LZTS1: variants seen among roughly 807,000 people sequenced by gnomAD.
LZTS1 encodes the protein leucine zipper tumor suppressor 1, also known as leucine zipper putative tumor suppressor 1.
LZTS1 carries 31 observed loss-of-function variants against 45.8 expected under a neutral mutation model. That is an observed-to-expected ratio of 0.68 (90% CI 0.51 to 0.91). The LOEUF is 0.91. LZTS1 is among the 40% of genes least tolerant of loss of function. The pLI, the probability that LZTS1 is intolerant of heterozygous loss-of-function variation, is 0.00. For missense variants in LZTS1, 821 were observed against 788.9 expected (o/e 1.04, Z -0.49); for synonymous variants, 359 against 357.3 (o/e 1.00, Z -0.05).
At chr8:20,276,129 A>G (rs1800575663) in intron 1 of LZTS1, among the ~76,000 whole-genome samples, 1 of 152,218 alleles carries the variant, frequency 6.6e-6, no homozygotes, top group Non-Finnish European at 1.5e-5. Context: ...ATCCTGGGAT[A>G]GATTCATTTT....
intron 1 of LZTS1, among the ~76,000 whole-genome samples, chr8:20,286,568 G>T (rs913907576): frequency 3.9e-5 from 6 of 152,238 alleles, no homozygotes; most frequent in African/African-American, 1.2e-4. Flanking sequence ...GTGCAGACAT[G>T]CTCAGCCACA....
In LZTS1 at chr8:20,301,099, C is replaced by T. The variant is rs191104074; in HGVS notation, c.-135+2641G>A. ...TCGCACCACTGCACTCCAGCCTGGG[C>T]GACAGAGCAAGACTCCGTCTCAAAA... On this transcript the variant is annotated intron_variant, in intron 1 of 3. Transcript: ENST00000381569. 3.6e-3 allele frequency among the ~76,000 whole-genome samples: 480 copies of T among 133,898 alleles called. 7 individuals carry two copies. The East Asian group carries it at 0.045, about 13-fold the overall frequency. 87.8% of individuals were successfully genotyped at this position (133,898 alleles called of 152,430 possible). A position where few individuals can be genotyped will look rare whatever the true frequency, so the allele number is the denominator to read the frequency against.
intron 1 of LZTS1, among the ~76,000 whole-genome samples, chr8:20,258,853 C>A (rs1800165703): frequency 6.6e-6 from 1 of 152,192 alleles, no homozygotes; most frequent in African/African-American, 2.4e-5. Context: ...AGAGCTAATC[C>A]TTTCCTTCTA....
chr8:20,303,367 C>T (rs1186992647), intron 1 of LZTS1, among the ~76,000 whole-genome samples: 1 of 152,164 alleles, frequency 6.6e-6, no homozygotes, highest in Non-Finnish European at 1.5e-5. Context: ...CCTGCGGCCT[C>T]GCGTCCCCAC....
At chr8:20,262,685 A>ACCC (rs1800260938) in intron 1 of LZTS1, among the ~76,000 whole-genome samples, 1 of 152,102 alleles carries the variant, frequency 6.6e-6, no homozygotes, top group South Asian at 2.1e-4. Flanking sequence ...ATTTGGCAGG[A>ACCC]CCTGGAGACA....
chr8:20,253,544 A>G lies in LZTS1; in HGVS notation c.387T>C (p.Pro129=), dbSNP rs1278704415. 2 of 1,500,862 alleles carry G rather than the reference A, an allele frequency of 1.3e-6. No individual in the cohort carries two copies. The highest frequency in any genetic ancestry group is 4.7e-5 in the East Asian group (2 of 42,106). 93.0% of individuals were successfully genotyped at this position (1,500,862 alleles called of 1,614,324 possible). The change falls in exon 3 of 4, where the codon CCT becomes CCC. Residue 129 remains proline (P), a synonymous_variant. Coordinates refer to ENST00000381569, the MANE Select transcript of LZTS1 (RefSeq NM_021020.5). The stretch of plus-strand genomic sequence containing the variant: ...GGATGGCTCCTGACCGTGGCAGCAC[A>G]GGCTTGAAGGCTGTGGGCCTCACTG... ...KGAVRPTAFK[P]VLPRSGAILH...
chr8:20,265,931 C>T (rs1800344804), intron 1 of LZTS1, among the ~76,000 whole-genome samples: 2 of 152,162 alleles, frequency 1.3e-5, no homozygotes, highest in South Asian at 4.1e-4. Flanking sequence ...CCCCACTTAT[C>T]TTTAAACCCC....
intron 1 of LZTS1, among the ~76,000 whole-genome samples, chr8:20,288,987 G>GTTTTTTTTT (rs59572169): frequency 8.4e-6 from 1 of 119,694 alleles, no homozygotes; most frequent in Admixed American, 8.9e-5. Context: ...ATAGCAGCTG[G>GTTTTTTTTT]TTTTTTTTTT....
At chr8:20,289,069 C>A (rs1176375032) in intron 1 of LZTS1, 1 of 121,652 alleles carries the variant, frequency 8.2e-6, no homozygotes, top group Non-Finnish European at 1.7e-5. Context: ...ACTCTTTTTA[C>A]ATTTGTTTCC....
chr8:20,254,961 G>A lies in LZTS1; in HGVS notation c.221C>T (p.Ala74Val), dbSNP rs752158232. ...DFFYIKVSQKARGSHHPDYTA... is the reference protein window; with the variant it reads ...DFFYIKVSQKVRGSHHPDYTA... ...GTAATCTGGGTGATGGGAGCCCCGG[G>A]CTTTCTGGCTGACCTTGATGTAGAA... is the stretch of plus-strand genomic sequence containing the variant. The change falls in exon 2 of 4, where the codon GCC (alanine) becomes GTC (valine). Residue 74 changes from alanine (A) to valine (V), a missense_variant. Physicochemically the swap from Ala to Val is moderately conservative, Grantham distance 64. Coordinates refer to ENST00000381569, the MANE Select transcript of LZTS1 (RefSeq NM_021020.5). 3.1e-6 allele frequency: 5 copies of A among 1,614,202 alleles called. No individual in the cohort carries two copies. Among genetic ancestry groups the A allele is most frequent in the Non-Finnish European group, 4.2e-6 (5 of 1,180,042 alleles).
chr8:20,269,547 A>G (rs1800432819), intron 1 of LZTS1, among the ~76,000 whole-genome samples: 1 of 152,228 alleles, frequency 6.6e-6, no homozygotes, highest in Non-Finnish European at 1.5e-5. Flanking sequence ...GGCCTTGGAC[A>G]GAGACTGAAA....
intron 1 of LZTS1, among the ~76,000 whole-genome samples, chr8:20,270,797 CTCTGTGTG>C (rs1182139008): frequency 0.036 from 3,623 of 99,382 alleles, 152 homozygotes; most frequent in African/African-American, 0.12. Context: ...CGAGTGTGTC[CTCTGTGTG>C]TGTGTGTGTG....
Position 20,250,118 on chromosome 8 carries a change from C to T in LZTS1, c.1395G>A (p.Arg465=), listed in dbSNP as rs777589822. The T allele has an allele frequency of 1.2e-6, 2 of 1,607,448 alleles. No individual in the cohort carries two copies. Among genetic ancestry groups the T allele is most frequent in the East Asian group, 2.2e-5 (1 of 44,866 alleles). Residue 465 remains arginine (R), a synonymous_variant, in exon 4 of 4, where the codon CGG becomes CGA. Transcript: ENST00000381569. ...QRKKNEAELL[R]EKVNLLEQEL... ...CCTGCTCCAGCAGGTTCACCTTCTC[C>T]CGCAGCAGCTCCGCCTCGTTCTTCT... is the stretch of plus-strand genomic sequence containing the variant.
At position 20,253,473 on chromosome 8, in the gene LZTS1, G is replaced by A; in HGVS notation, c.458C>T (p.Pro153Leu). The part of the protein sequence containing the change: ...ESASHQLHPA[P>L]PDKPKEQELK... ...CTCCTGCTCCTTGGGCTTGTCTGGA[G>A]GGGCGGGGTGCAGCTGGTGGCTGGC... The change falls in exon 3 of 4, where the codon CCT becomes CTT. Residue 153 changes from proline to leucine, a missense_variant. Physicochemically the swap from Pro to Leu is moderately conservative, Grantham distance 98. Transcript: ENST00000381569. The A allele has an allele frequency of 6.2e-7, 1 of 1,604,988 alleles. No homozygotes were observed.
At chr8:20,264,341 A>G (rs1330136195) in intron 1 of LZTS1, among the ~76,000 whole-genome samples, 1 of 151,878 alleles carries the variant, frequency 6.6e-6, no homozygotes, top group Non-Finnish European at 1.5e-5. Flanking sequence ...ATATATGATT[A>G]TTTTTCCACG....
At chr8:20,288,987 GTTT>G (rs59572169) in intron 1 of LZTS1, among the ~76,000 whole-genome samples, 2 of 119,694 alleles carry the variant, frequency 1.7e-5, no homozygotes, top group Non-Finnish European at 1.7e-5. Flanking sequence ...ATAGCAGCTG[GTTT>G]TTTTTTTTTT....
intron 1 of LZTS1, among the ~76,000 whole-genome samples, chr8:20,284,183 G>A (rs939362912): frequency 6.6e-6 from 1 of 152,154 alleles, no homozygotes; most frequent in Non-Finnish European, 1.5e-5. Flanking sequence ...CAACTGAGAG[G>A]CTCTGGCTGG....
intron 1 of LZTS1, among the ~76,000 whole-genome samples, chr8:20,274,623 C>T (rs1213926661): frequency 2.0e-5 from 3 of 152,158 alleles, no homozygotes; most frequent in African/African-American, 7.2e-5. Context: ...CCCAATGGGG[C>T]GTAAGTGCGT....
chr8:20,267,205 C>T (rs941495589), intron 1 of LZTS1, among the ~76,000 whole-genome samples: 3 of 145,146 alleles, frequency 2.1e-5, no homozygotes, highest in Admixed American at 1.4e-4. Flanking sequence ...TCTGGGCTGT[C>T]GGGTCCCCTG....
Sources: gnomAD v4.1 joint callset for allele counts (sites outside exome capture counted in the v4.1 genomes callset) on GRCh38, gnomAD v4.1.1 for gene constraint, MANE v1.5 for transcripts, NCBI Gene and HGNC (gene_info 2026-07-23, HGNC 2026-07-21) for gene names.